Variants in MAML2 observed in about 807,000 individuals in gnomAD.
MAML2 encodes mastermind like transcriptional coactivator 2.
In MAML2, 22 loss-of-function variants were observed where a neutral mutation model predicts 96.1. That is an observed-to-expected ratio of 0.23 (90% CI 0.16 to 0.33). The LOEUF is 0.33. MAML2 is among the 10% of genes least tolerant of loss of function. The pLI, the probability that MAML2 is intolerant of heterozygous loss-of-function variation, is 1.00. For synonymous variants in MAML2, 561 were observed against 521.3 expected, an observed-to-expected ratio of 1.08 and a Z score of -1.04; for missense variants, 1,367 against 1,392.4, an observed-to-expected ratio of 0.98 and a Z score of 0.29.
chr11:96,046,558 C>T (rs1477005532), intron 2 of MAML2, among the ~76,000 whole-genome samples: 3 of 152,154 alleles, frequency 2.0e-5, no homozygotes, highest in African/African-American at 7.2e-5. Context: ...CTCTGAGCAA[C>T]TTGGGACATT....
At chr11:96,119,566 G>T (rs911391753) in intron 1 of MAML2, among the ~76,000 whole-genome samples, 7 of 152,190 alleles carry the variant, frequency 4.6e-5, no homozygotes, top group African/African-American at 1.7e-4. Flanking sequence ...GACTCAATTT[G>T]TGGTAATTTG....
At chr11:95,998,076 T>G (rs16922825) in intron 2 of MAML2, among the ~76,000 whole-genome samples, 1 of 152,114 alleles carries the variant, frequency 6.6e-6, no homozygotes, top group African/African-American at 2.4e-5. Flanking sequence ...AACAGCTTCC[T>G]TATATAGCAA....
rs556310566 is a variant in MAML2 at position 96,268,791 on chromosome 11, T to C, written c.513+72592A>G. Among the ~76,000 whole-genome samples the C allele has an allele frequency of 8.3e-5, 9 of 108,624 alleles. 1 individual carries two copies. Among genetic ancestry groups the C allele is most frequent in the Non-Finnish European group, 1.7e-4 (9 of 54,232 alleles). The allele number at this position is 108,624 out of a possible 152,430, so 71.3% of individuals were successfully genotyped here. On this transcript the variant is annotated intron_variant, in intron 1 of 4. Coordinates refer to ENST00000524717, the MANE Select transcript of MAML2 (RefSeq NM_032427.4). ...GCACACGATCTGTTGTCTGCCGCCA[T>C]GTAAGATGTGACTTTGCTCCTCATT...
At chr11:96,310,831 G>A (rs1016415680) in intron 1 of MAML2, among the ~76,000 whole-genome samples, 5 of 152,154 alleles carry the variant, frequency 3.3e-5, no homozygotes, top group African/African-American at 1.2e-4. Context: ...TTCTTTATAA[G>A]CTATAATCTG....
intron 1 of MAML2, among the ~76,000 whole-genome samples, chr11:96,148,428 G>A (rs567713526): frequency 6.6e-4 from 100 of 151,360 alleles, no homozygotes; most frequent in Non-Finnish European, 1.1e-3. Flanking sequence ...AAACACAATA[G>A]AAGTCTGTTA....
chr11:96,308,007 T>A (rs1384631301), intron 1 of MAML2, among the ~76,000 whole-genome samples: 1 of 152,150 alleles, frequency 6.6e-6, no homozygotes, highest in African/African-American at 2.4e-5. Flanking sequence ...ATTGTTCTAC[T>A]CTGGAATTAT....
At chr11:96,335,623 G>A (rs994327290) in intron 1 of MAML2, among the ~76,000 whole-genome samples, 14 of 152,194 alleles carry the variant, frequency 9.2e-5, no homozygotes, top group Admixed American at 5.9e-4. Context: ...TAGGCAATGC[G>A]CTGTGAGAAG....
At chr11:96,192,826 A>G (rs1243259926) in intron 1 of MAML2, among the ~76,000 whole-genome samples, 3 of 152,164 alleles carry the variant, frequency 2.0e-5, no homozygotes, top group South Asian at 2.1e-4. Flanking sequence ...GCAACTAGAC[A>G]TTGCCTAGTG....
intron 2 of MAML2, among the ~76,000 whole-genome samples, chr11:96,066,844 C>T (rs572998377): frequency 6.6e-6 from 1 of 152,102 alleles, no homozygotes; most frequent in African/African-American, 2.4e-5. Context: ...GACAAATAAA[C>T]CCAGGTAAAA....
Position 96,328,830 on chromosome 11 carries a change from G to A in MAML2, c.513+12553C>T, listed in dbSNP as rs1009842010. On this transcript the variant is annotated intron_variant, in intron 1 of 4. Coordinates refer to ENST00000524717, the MANE Select transcript of MAML2 (RefSeq NM_032427.4). ...TCTCTGCTTAGGGTTTTAGCGATAA[G>A]AAAAAAAGAGGCAGTGGATTGAATT... Among the ~76,000 whole-genome samples the A allele has an allele frequency of 2.6e-5, 4 of 152,142 alleles. No individual in the cohort carries two copies. The South Asian group carries it at 8.3e-4, about 32-fold the overall frequency.
chr11:96,138,451 T>G (rs1378394919), intron 1 of MAML2, among the ~76,000 whole-genome samples: 2 of 152,156 alleles, frequency 1.3e-5, no homozygotes, highest in East Asian at 3.8e-4. Context: ...TGGCTGCCTC[T>G]TATATTGTGT....
intron 2 of MAML2, among the ~76,000 whole-genome samples, chr11:96,050,817 C>G (rs1858977894): frequency 6.6e-6 from 1 of 152,158 alleles, no homozygotes; most frequent in Non-Finnish European, 1.5e-5. Flanking sequence ...AAATAAGGCT[C>G]TTAAGTAAAG....
intron 1 of MAML2, among the ~76,000 whole-genome samples, chr11:96,286,007 A>G: frequency 6.6e-6 from 1 of 152,238 alleles, no homozygotes; most frequent in African/African-American, 2.4e-5. Flanking sequence ...TCATTCTATT[A>G]TAAAGATACA....
intron 1 of MAML2, among the ~76,000 whole-genome samples, chr11:96,194,262 G>A (rs957083476): frequency 2.6e-5 from 4 of 152,138 alleles, no homozygotes; most frequent in African/African-American, 4.8e-5. Flanking sequence ...TAGACAGGTC[G>A]GGCTATTCAA....
intron 2 of MAML2, among the ~76,000 whole-genome samples, chr11:96,086,320 G>A (rs1390480667): frequency 6.6e-6 from 1 of 152,142 alleles, no homozygotes; most frequent in Non-Finnish European, 1.5e-5. Flanking sequence ...AACTCTAACA[G>A]TAATCCTGAA....
At chr11:96,205,679 A>C (rs2846032) in intron 1 of MAML2, among the ~76,000 whole-genome samples, 2 of 152,346 alleles carry the variant, frequency 1.3e-5, no homozygotes, top group South Asian at 4.1e-4. Flanking sequence ...GCAGTAGCCC[A>C]AATGTCGCTG....
At chr11:96,184,216 G>A (rs61901890) in intron 1 of MAML2, among the ~76,000 whole-genome samples, 44,664 of 152,132 alleles carry the variant, frequency 0.29, 7,764 homozygotes, top group Middle Eastern at 0.4. Flanking sequence ...GCTGAGGTGG[G>A]CAGATCACGA....
At chr11:96,203,844 AATAAT>A (rs1356996768) in intron 1 of MAML2, among the ~76,000 whole-genome samples, 2 of 152,218 alleles carry the variant, frequency 1.3e-5, no homozygotes. Context: ...GGTTATTCTC[AATAAT>A]ATGAGTGCAA....
rs1283475291 is a variant in MAML2 at position 96,212,695 on chromosome 11, AAGAG to A, written c.514-119182_514-119179del. ...AATAGTCCCATGATAGAGACGGCAG[AAGAG>A]AGAAAGAAGGAACAAGACGTTTAGA... is the stretch of plus-strand genomic sequence containing the variant. On this transcript the variant is annotated intron_variant, in intron 1 of 4. Coordinates refer to ENST00000524717, the MANE Select transcript of MAML2 (RefSeq NM_032427.4). 2.6e-5 allele frequency among the ~76,000 whole-genome samples: 4 copies of A among 152,208 alleles called. No homozygotes were observed. In the East Asian group the frequency reaches 7.7e-4, roughly 29 times the overall value.
Sources: allele counts gnomAD v4.1 joint callset (sites outside exome capture counted in the v4.1 genomes callset), GRCh38; gene constraint gnomAD v4.1.1; transcripts MANE v1.5; gene names NCBI Gene and HGNC (gene_info 2026-07-23, HGNC 2026-07-21).